ACSL6: variants seen among roughly 807,000 people sequenced by gnomAD.
ACSL6 encodes the protein long-chain-fatty-acid--CoA ligase 6.
A neutral mutation model predicts 98.2 loss-of-function variants in ACSL6; 47 were observed. That is an observed-to-expected ratio of 0.48 (90% confidence interval 0.38 to 0.61). The LOEUF (loss-of-function observed/expected upper bound fraction) is 0.61. Ranked by LOEUF, ACSL6 falls within the 20% of genes least tolerant of loss-of-function variation. The pLI is 0.00. For synonymous variants in ACSL6, 362 were observed against 336.9 expected (o/e 1.07, Z -0.82); for missense variants, 761 against 913.4 (o/e 0.83, Z 2.15).
chr5:132,007,903 C>T (rs1755500079), intron 1 of ACSL6, among the ~76,000 whole-genome samples: 1 of 152,192 alleles, frequency 6.6e-6, no homozygotes, highest in Admixed American at 6.5e-5. Context: ...ATGGGACAGT[C>T]CTGAGTCCCA....
chr5:131,973,006 T>C, intron 12 of ACSL6, 148 bp from the exon 13 acceptor site: 2 of 1,231,674 alleles, frequency 1.6e-6, no homozygotes, highest in Middle Eastern at 2.2e-4. Flanking sequence ...GACATTGAGC[T>C]GAAGGTTAAC....
intron 17 of ACSL6, among the ~76,000 whole-genome samples, chr5:131,964,735 G>A (rs1752918846): frequency 6.6e-6 from 1 of 152,220 alleles, no homozygotes; most frequent in South Asian, 2.1e-4. Context: ...ACCTTCTGCA[G>A]ATGTTCAGGA....
chr5:131,960,219 G>A (rs1044361468), intron 19 of ACSL6, among the ~76,000 whole-genome samples: 7 of 152,030 alleles, frequency 4.6e-5, no homozygotes, highest in Non-Finnish European at 1.0e-4. Context: ...GTGTGACCTC[G>A]GGCAAGTTAC....
intron 15 of ACSL6, 96 bp from the exon 16 acceptor site, chr5:131,968,124 T>G: frequency 2.1e-6 from 2 of 946,828 alleles, no homozygotes; most frequent in Non-Finnish European, 3.3e-6. Context: ...GTGGCCAAAG[T>G]GGGGAATTAT....
chr5:131,959,690 G>A, intron 19 of ACSL6, 83 bp from the exon 20 acceptor site: 1 of 1,317,778 alleles, frequency 7.6e-7, no homozygotes, highest in Non-Finnish European at 1.1e-6. Context: ...TTTGGGTAAA[G>A]TACAACTGAT....
At chr5:132,010,377 T>C (rs952121635) in intron 1 of ACSL6, among the ~76,000 whole-genome samples, 6 of 152,164 alleles carry the variant, frequency 3.9e-5, no homozygotes, top group South Asian at 2.1e-4. Context: ...CAAATATCCA[T>C]GTGACACTAG....
intron 11 of ACSL6, among the ~76,000 whole-genome samples, chr5:131,974,403 T>C (rs1753497483): frequency 1.3e-5 from 2 of 152,384 alleles, no homozygotes; most frequent in Admixed American, 6.5e-5. Flanking sequence ...TTGTGAATTA[T>C]AAAAGTTATG....
chr5:131,996,838 G>A (rs1754817459), intron 1 of ACSL6, among the ~76,000 whole-genome samples: 1 of 152,232 alleles, frequency 6.6e-6, no homozygotes, highest in Non-Finnish European at 1.5e-5. Context: ...AATGGGCAGT[G>A]TTATGATCAG....
rs775910969 is a variant in ACSL6 at position 131,972,713 on chromosome 5, C to A, written c.1338+11G>T. 1.2e-6 allele frequency: 2 copies of A among 1,613,908 alleles called. No homozygotes were observed. The highest frequency in any genetic ancestry group is 3.3e-5 in the Admixed American group (2 of 59,994). On this transcript the variant is annotated intron_variant, in intron 13 of 20. Transcript: ENST00000651883. Reference sequence around the variant, plus strand: ...AGGTGTCACTCTATAATCACTTGTTCATTTTCTTACCTGAATCTTATTAAA... The same window carrying A: ...AGGTGTCACTCTATAATCACTTGTTAATTTTCTTACCTGAATCTTATTAAA...
Position 131,957,113 on chromosome 5 carries a change from A to C in ACSL6, c.2031+2423T>G, listed in dbSNP as rs556995402. ...TAAGTTTTTCAGTGGTCTTAATGAA[A>C]TCCTTTAACACAATATTGCTTGTAG... is the stretch of plus-strand genomic sequence containing the variant. On this transcript the variant is annotated intron_variant, in intron 20 of 20. Coordinates refer to ENST00000651883, the MANE Select transcript of ACSL6 (RefSeq NM_001009185.3). Among the ~76,000 whole-genome samples, 3 of 152,348 alleles carry C rather than the reference A, an allele frequency of 2.0e-5. No homozygotes were observed. In the East Asian group the frequency reaches 5.8e-4, roughly 29 times the overall value.
chr5:131,974,871 G>T (rs766013295), intron 11 of ACSL6, 22 bp downstream of exon 11: 9 of 1,614,052 alleles, frequency 5.6e-6, no homozygotes, highest in African/African-American at 2.7e-5. Context: ...GCAAGGCCCG[G>T]TCAGTCAGGT....
Position 131,952,160 on chromosome 5 carries a change from A to C in ACSL6, c.*2074T>G, listed in dbSNP as rs1416107579. 5.5e-6 allele frequency: 1 copy of C among 182,222 alleles called. No homozygotes were observed. Among genetic ancestry groups the C allele is most frequent in the African/African-American group, 2.4e-5 (1 of 42,502 alleles). 11.3% of individuals were successfully genotyped at this position (182,222 alleles called of 1,614,324 possible). A position where few individuals can be genotyped will look rare whatever the true frequency, so the allele number is the denominator to read the frequency against. ...ACTTTTAATTAGTCAAATATATATT[A>C]AATATAAAAATCTAATGCTGTACAG... On this transcript the variant is annotated 3_prime_UTR_variant, in exon 21 of 21. Coordinates refer to ENST00000651883, the MANE Select transcript of ACSL6 (RefSeq NM_001009185.3).
In ACSL6 at chr5:131,976,695, G is replaced by T; in HGVS notation, c.943C>A (p.His315Asn). The T allele has an allele frequency of 6.2e-7, 1 of 1,614,166 alleles. No individual in the cohort carries two copies. ...TGNPKGAMLT[H>N]GNVVADFSGF... ...GAGAAATCAGCCACCACGTTCCCAT[G>T]GGTGAGCATCGCACCTTTTGGGTTC... The change falls in exon 10 of 21, where the codon CAT becomes AAT. Residue 315 changes from histidine to asparagine, a missense_variant. His to Asn is a moderately conservative substitution (Grantham distance 68). Transcript: ENST00000651883.
chr5:131,999,029 A>G (rs1010250886), intron 1 of ACSL6, among the ~76,000 whole-genome samples: 3 of 152,158 alleles, frequency 2.0e-5, no homozygotes, highest in African/African-American at 2.4e-5. Context: ...GGGGAAGCTC[A>G]AGCCCAGCCA....
intron 9 of ACSL6, 47 bp from the exon 10 acceptor site, chr5:131,976,768 C>T (rs532466856): frequency 1.9e-6 from 3 of 1,543,260 alleles, no homozygotes; most frequent in East Asian, 2.2e-5. Context: ...ACTCAAGGGC[C>T]ACTTCTTGAG....
chr5:132,003,278 C>T (rs1755191969), intron 1 of ACSL6, among the ~76,000 whole-genome samples: 1 of 152,202 alleles, frequency 6.6e-6, no homozygotes, highest in Admixed American at 6.5e-5. Context: ...CTCCTGAATC[C>T]CCCCTCTGGA....
intron 11 of ACSL6, chr5:131,973,766 C>T (rs543109400): frequency 2.9e-5 from 5 of 173,440 alleles, no homozygotes; most frequent in South Asian, 1.6e-4. Context: ...AATGGGTCTG[C>T]TCCAGGTCTT....
intron 15 of ACSL6, 41 bp downstream of exon 15, chr5:131,970,087 A>G: frequency 6.3e-7 from 1 of 1,591,456 alleles, no homozygotes; most frequent in Non-Finnish European, 8.6e-7. Context: ...TTTACTCCAC[A>G]GTGCCTCGCG....
chr5:131,967,885 T>C (rs1753102119), intron 16 of ACSL6, 55 bp downstream of exon 16: 1 of 1,503,522 alleles, frequency 6.7e-7, no homozygotes, highest in Non-Finnish European at 9.2e-7. Context: ...ACTGTTCTTG[T>C]TTTTACTCAC....
Sources: allele counts gnomAD v4.1 joint callset (sites outside exome capture counted in the v4.1 genomes callset), GRCh38; gene constraint gnomAD v4.1.1; transcripts MANE v1.5; gene names NCBI Gene and HGNC (gene_info 2026-07-23, HGNC 2026-07-21).